Variants in TMEM163 observed in about 807,000 individuals in gnomAD.
The protein encoded by TMEM163 is transmembrane protein 163.
A neutral mutation model predicts 29.3 loss-of-function variants in TMEM163; 17 were observed. The ratio of observed to expected loss-of-function variants is 0.58; its 90% CI spans 0.40 to 0.87. TMEM163 has a LOEUF of 0.87. TMEM163 is among the 40% of genes least tolerant of loss of function. The pLI is 0.00. For missense variants in TMEM163, 303 were observed against 381.5 expected, an observed-to-expected ratio of 0.79 and a Z score of 1.71; for synonymous variants, 157 against 160.6, an observed-to-expected ratio of 0.98 and a Z score of 0.17.
intron 4 of TMEM163, among the ~76,000 whole-genome samples, chr2:134,516,792 C>CAT (rs1558930470): frequency 6.8e-6 from 1 of 147,184 alleles, no homozygotes; most frequent in Non-Finnish European, 1.5e-5. Flanking sequence ...TATATATATG[C>CAT]ATGTATGTAT....
At chr2:134,612,703 A>G (rs1270675357) in intron 2 of TMEM163, among the ~76,000 whole-genome samples, 1 of 152,214 alleles carries the variant, frequency 6.6e-6, no homozygotes, top group Non-Finnish European at 1.5e-5. Flanking sequence ...GGAAATATAG[A>G]TGTTGCAGAA....
At chr2:134,713,043 C>T (rs1684959522) in intron 2 of TMEM163, among the ~76,000 whole-genome samples, 157 bp downstream of exon 2, 1 of 152,178 alleles carries the variant, frequency 6.6e-6, no homozygotes, top group South Asian at 2.1e-4. Flanking sequence ...AGAAGAAAGC[C>T]TTTTGACTAA....
chr2:134,574,249 A>G (rs1461922711), intron 2 of TMEM163, among the ~76,000 whole-genome samples: 1 of 152,212 alleles, frequency 6.6e-6, no homozygotes, highest in Non-Finnish European at 1.5e-5. Flanking sequence ...GAGCTAGGAC[A>G]TAGGCTCTAT....
At chr2:134,607,839 A>G (rs1682408637) in intron 2 of TMEM163, among the ~76,000 whole-genome samples, 1 of 42,982 alleles carries the variant, frequency 2.3e-5, no homozygotes. Flanking sequence ...AAAAGGACAG[A>G]CCCCGAGAAC....
intron 2 of TMEM163, among the ~76,000 whole-genome samples, chr2:134,597,971 C>A (rs1364469665): frequency 3.3e-5 from 5 of 152,150 alleles, no homozygotes; most frequent in Admixed American, 3.3e-4. Flanking sequence ...TCCCCTTTAT[C>A]ATTTTTTATT....
chr2:134,464,253 T>G lies in TMEM163; in HGVS notation c.667+1861A>C, dbSNP rs528467322. Reference sequence around the variant, plus strand: ...TGGACACAGCAGGGGCCACCTTCCCTGGGGAGATGCTGTACTTGGCCCCTG... The same window carrying G: ...TGGACACAGCAGGGGCCACCTTCCCGGGGGAGATGCTGTACTTGGCCCCTG... On this transcript the variant is annotated intron_variant, in intron 6 of 7. Transcript: ENST00000281924. 2.2e-3 allele frequency among the ~76,000 whole-genome samples: 333 copies of G among 152,136 alleles called. 3 individuals carry two copies. The highest frequency in any genetic ancestry group is 7.5e-3 in the African/African-American group (313 of 41,494).
intron 2 of TMEM163, among the ~76,000 whole-genome samples, chr2:134,651,386 G>T (rs1440027068): frequency 7.3e-6 from 1 of 136,994 alleles, no homozygotes; most frequent in Admixed American, 7.2e-5. Context: ...CTTTTTGATG[G>T]GGTTGTTTGT....
chr2:134,693,016 C>T (rs917915499), intron 2 of TMEM163, among the ~76,000 whole-genome samples: 1 of 152,112 alleles, frequency 6.6e-6, no homozygotes, highest in Non-Finnish European at 1.5e-5. Context: ...TCAGTTGTCT[C>T]CTTCCCAAAG....
chr2:134,649,108 G>A (rs1683406994), intron 2 of TMEM163, among the ~76,000 whole-genome samples: 1 of 152,146 alleles, frequency 6.6e-6, no homozygotes, highest in Admixed American at 6.5e-5. Flanking sequence ...AAATAAGTGT[G>A]TGCGACAAAA....
At chr2:134,618,390 A>T (rs1682657940) in intron 2 of TMEM163, among the ~76,000 whole-genome samples, 1 of 152,232 alleles carries the variant, frequency 6.6e-6, no homozygotes, top group African/African-American at 2.4e-5. Flanking sequence ...CTAACAAAAG[A>T]TCTCCAAAAC....
chr2:134,534,570 G>A (rs2106500460), intron 4 of TMEM163, among the ~76,000 whole-genome samples: 1 of 152,178 alleles, frequency 6.6e-6, no homozygotes, highest in South Asian at 2.1e-4. Context: ...TGACCAACAT[G>A]GTGAAACACC....
At chr2:134,700,034 T>C (rs1203572957) in intron 2 of TMEM163, among the ~76,000 whole-genome samples, 1 of 152,220 alleles carries the variant, frequency 6.6e-6, no homozygotes, top group Non-Finnish European at 1.5e-5. Flanking sequence ...GCATACAGCT[T>C]GATTTTTTTT....
At chr2:134,576,277 C>T (rs1020310168) in intron 2 of TMEM163, among the ~76,000 whole-genome samples, 21 of 152,076 alleles carry the variant, frequency 1.4e-4, no homozygotes, top group African/African-American at 4.8e-4. Context: ...TGAAATTCTA[C>T]GAAGTGGTTT....
At position 134,456,223 on chromosome 2, in the gene TMEM163, T is replaced by A. The variant is rs207462403; in HGVS notation, c.*493A>T. 1 of 157,780 alleles carries A rather than the reference T, an allele frequency of 6.3e-6. No individual in the cohort carries two copies. Among genetic ancestry groups the A allele is most frequent in the African/African-American group, 2.4e-5 (1 of 41,508 alleles). The allele number at this position is 157,780 out of a possible 1,614,324, so 9.8% of individuals were successfully genotyped here. A position where few individuals can be genotyped will look rare whatever the true frequency, so the allele number is the denominator to read the frequency against. On this transcript the variant is annotated 3_prime_UTR_variant, in exon 8 of 8. Transcript: ENST00000281924. The stretch of plus-strand genomic sequence containing the variant: ...AGTAAAACAGTATGAAATAATGAGA[T>A]ACACTGATAGAAATTAGGAAGTGAC...
chr2:134,466,936 C>T (rs1240970688), intron 5 of TMEM163: 1 of 152,200 alleles, frequency 6.6e-6, no homozygotes, highest in Non-Finnish European at 1.5e-5. Flanking sequence ...ATGTGTCACC[C>T]CCAAGAGACA....
chr2:134,574,440 GT>G (rs748652569), intron 2 of TMEM163, among the ~76,000 whole-genome samples: 6 of 152,094 alleles, frequency 3.9e-5, no homozygotes, highest in Non-Finnish European at 7.4e-5. Flanking sequence ...TGCACCTGTA[GT>G]CCCAGCTACT....
chr2:134,479,814 C>T (rs1687005976), intron 5 of TMEM163, among the ~76,000 whole-genome samples: 1 of 152,212 alleles, frequency 6.6e-6, no homozygotes. Context: ...GATTAGGAGG[C>T]CTGATGCTAC....
chr2:134,581,821 A>G (rs527552962), intron 2 of TMEM163, among the ~76,000 whole-genome samples: 19 of 152,214 alleles, frequency 1.2e-4, no homozygotes, highest in Non-Finnish European at 2.4e-4. Context: ...TACAAGAAGC[A>G]GCAGAACCAA....
At chr2:134,712,176 A>G (rs911136380) in intron 2 of TMEM163, among the ~76,000 whole-genome samples, 1 of 152,248 alleles carries the variant, frequency 6.6e-6, no homozygotes, top group African/African-American at 2.4e-5. Flanking sequence ...AGTGTTTCCA[A>G]TATAAATTGC....
Sources: allele counts gnomAD v4.1 joint callset (sites outside exome capture counted in the v4.1 genomes callset), GRCh38; gene constraint gnomAD v4.1.1; transcripts MANE v1.5; gene names NCBI Gene and HGNC (gene_info 2026-07-23, HGNC 2026-07-21).